Variants in TRPM3 observed in about 807,000 individuals in gnomAD.
TRPM3 encodes the protein transient receptor potential cation channel subfamily M member 3, also known as long transient receptor potential channel 3.
A neutral mutation model predicts 181.2 loss-of-function variants in TRPM3; 77 were observed. The observed-to-expected ratio is 0.42, with a 90% CI of 0.35 to 0.51. The LOEUF is 0.51. Among genes scored for constraint, TRPM3 ranks in the 20% least tolerant of loss-of-function variants. The probability of loss-of-function intolerance (pLI) is 0.01; values close to 1 mark genes in which losing one functional copy is unlikely to be tolerated. For missense variants in TRPM3, 1,759 were observed against 2,196.7 expected, an observed-to-expected ratio of 0.80 and a Z score of 3.98; for synonymous variants, 745 against 796.4, an observed-to-expected ratio of 0.94 and a Z score of 1.09.
chr9:71,064,176 T>C (rs1375123074), intron 1 of TRPM3, among the ~76,000 whole-genome samples: 6 of 152,144 alleles, frequency 3.9e-5, no homozygotes, highest in Non-Finnish European at 8.8e-5. Flanking sequence ...TAAATCCTTT[T>C]ACCTGGGAAT....
intron 5 of TRPM3, among the ~76,000 whole-genome samples, chr9:70,837,036 G>A (rs2094366512): frequency 6.6e-6 from 1 of 152,126 alleles, no homozygotes; most frequent in African/African-American, 2.4e-5. Context: ...GCAAGCATTG[G>A]CTCTGTCTGG....
chr9:71,096,586 ACACACTCTCTCTCTCTCTCT>A (rs2067263510), intron 1 of TRPM3, among the ~76,000 whole-genome samples: 1 of 100,188 alleles, frequency 1.0e-5, no homozygotes, highest in South Asian at 3.7e-4. Context: ...ACACACACAC[ACACACTCTCTCTCTCTCTCT>A]CTCTCTCTCT....
chr9:70,551,146 G>C (rs1032418152), intron 24 of TRPM3, among the ~76,000 whole-genome samples: 1 of 152,068 alleles, frequency 6.6e-6, no homozygotes, highest in Non-Finnish European at 1.5e-5. Flanking sequence ...CCATTAACAC[G>C]TCAAATTTTA....
intron 1 of TRPM3, among the ~76,000 whole-genome samples, chr9:70,865,690 C>A (rs2095635291): frequency 6.6e-6 from 1 of 152,062 alleles, no homozygotes; most frequent in Non-Finnish European, 1.5e-5. Context: ...TCTTCTCTCA[C>A]AAGGGAGGTT....
At chr9:70,765,276 A>C (rs1300104007) in intron 7 of TRPM3, among the ~76,000 whole-genome samples, 1 of 152,166 alleles carries the variant, frequency 6.6e-6, no homozygotes. Flanking sequence ...ATAATCACAA[A>C]GTGCATTAAG....
At chr9:70,646,637 C>T (rs2058894668) in intron 9 of TRPM3, among the ~76,000 whole-genome samples, 1 of 151,948 alleles carries the variant, frequency 6.6e-6, no homozygotes. Context: ...TTGATAGGTG[C>T]AGCAAACCAG....
rs1233404614 is a variant in TRPM3 at position 70,649,200 on chromosome 9, T to G, written c.1346-8540A>C. 3.3e-5 allele frequency among the ~76,000 whole-genome samples: 5 copies of G among 151,876 alleles called. 1 individual carries two copies. The South Asian group carries it at 8.3e-4, about 25-fold the overall frequency. ...AAAGACATGAACAGACACTTTTTTT[T>G]TTTTTTGAGATGGAGTCTCACTCTG... On this transcript the variant is annotated intron_variant, in intron 9 of 25. Transcript: ENST00000677713.
rs560493848 is a variant in TRPM3 at position 71,302,154 on chromosome 9, C to T, written c.183+144499G>A. Among the ~76,000 whole-genome samples the T allele has an allele frequency of 2.6e-5, 4 of 151,228 alleles. No homozygotes were observed. The South Asian group carries it at 8.4e-4, about 32-fold the overall frequency. ...GGTTTTTAAATTACTTTCTATGAAA[C>T]TGTAGTTTAAAAAATTTACACATTT... is the stretch of plus-strand genomic sequence containing the variant. On this transcript the variant is annotated intron_variant, in intron 1 of 24. Coordinates refer to the TRPM3 transcript ENST00000357533.
intron 1 of TRPM3, among the ~76,000 whole-genome samples, chr9:70,952,913 G>T (rs895879628): frequency 1.3e-5 from 2 of 152,182 alleles, no homozygotes; most frequent in Admixed American, 6.6e-5. Flanking sequence ...CAAAAAAAAT[G>T]ATAAAGCATT....
intron 1 of TRPM3, among the ~76,000 whole-genome samples, chr9:71,432,760 T>C (rs1465863719): frequency 2.0e-5 from 3 of 152,182 alleles, no homozygotes; most frequent in African/African-American, 7.2e-5. Context: ...AGCCAAAAAA[T>C]GGGACTAGAT....
chr9:71,382,367 T>C (rs1469357911), intron 1 of TRPM3, among the ~76,000 whole-genome samples: 2 of 152,172 alleles, frequency 1.3e-5, no homozygotes, highest in Non-Finnish European at 2.9e-5. Context: ...AGTAAAATTT[T>C]CTTGTACTTT....
At chr9:70,676,596 G>A (rs2064064697) in intron 9 of TRPM3, among the ~76,000 whole-genome samples, 1 of 152,180 alleles carries the variant, frequency 6.6e-6, no homozygotes. Flanking sequence ...AGGGCCAGCT[G>A]AGAGGAGCAG....
intron 1 of TRPM3, among the ~76,000 whole-genome samples, chr9:71,115,864 A>G (rs1429705816): frequency 6.6e-6 from 1 of 152,202 alleles, no homozygotes; most frequent in Non-Finnish European, 1.5e-5. Context: ...CCTGAAGAAC[A>G]TTTCACAAAA....
intron 1 of TRPM3, among the ~76,000 whole-genome samples, chr9:71,444,177 CAA>C (rs34011806): frequency 1.3e-4 from 15 of 112,902 alleles, no homozygotes; most frequent in East Asian, 5.3e-4. Context: ...GAATACATCT[CAA>C]AAAAAAAAAA....
At chr9:71,033,549 AAAC>A in intron 1 of TRPM3, among the ~76,000 whole-genome samples, 1 of 150,150 alleles carries the variant, frequency 6.7e-6, no homozygotes, top group Non-Finnish European at 1.5e-5. Flanking sequence ...AGATTAATAA[AAAC>A]AAGTAAGAGT....
chr9:71,136,304 T>G (rs1432444256), intron 1 of TRPM3, among the ~76,000 whole-genome samples: 1 of 152,106 alleles, frequency 6.6e-6, no homozygotes, highest in Non-Finnish European at 1.5e-5. Context: ...AAGGACTGAG[T>G]GACACATGGG....
intron 1 of TRPM3, among the ~76,000 whole-genome samples, chr9:71,422,398 G>A (rs1220807250): frequency 1.3e-5 from 2 of 152,052 alleles, no homozygotes; most frequent in African/African-American, 4.8e-5. Context: ...TTTCTCCTTT[G>A]CCTTGGAGGG....
intron 19 of TRPM3, among the ~76,000 whole-genome samples, chr9:70,608,460 T>C (rs1444118287): frequency 6.6e-6 from 1 of 152,198 alleles, no homozygotes; most frequent in Non-Finnish European, 1.5e-5. Context: ...AAGCTGTAGT[T>C]TGCCAAGCCC....
Position 70,946,387 on chromosome 9 carries a change from C to T in TRPM3, c.178-81876G>A, listed in dbSNP as rs536558347. 4.6e-5 allele frequency among the ~76,000 whole-genome samples: 7 copies of T among 151,966 alleles called. No homozygotes were observed. In the East Asian group the frequency reaches 9.7e-4, roughly 21 times the overall value. Reference sequence around the variant, plus strand: ...CTCCAACATGTACCAGCCATGGGAGCTTGGGCAAGTTAGGACTCTGAATCA... The same window carrying T: ...CTCCAACATGTACCAGCCATGGGAGTTTGGGCAAGTTAGGACTCTGAATCA... On this transcript the variant is annotated intron_variant, in intron 1 of 25. Coordinates refer to ENST00000677713, the MANE Select transcript of TRPM3 (RefSeq NM_001366145.2).
Sources: allele counts gnomAD v4.1 joint callset (sites outside exome capture counted in the v4.1 genomes callset), GRCh38; gene constraint gnomAD v4.1.1; transcripts MANE v1.5; gene names NCBI Gene and HGNC (gene_info 2026-07-23, HGNC 2026-07-21).